Variants in CNTN4 observed in about 807,000 individuals in gnomAD.
CNTN4 encodes the protein contactin 4, also known as contactin-4.
In CNTN4, 77 loss-of-function variants were observed where a neutral mutation model predicts 122.5. That is an observed-to-expected ratio of 0.63 (90% CI 0.52 to 0.76). The LOEUF (loss-of-function observed/expected upper bound fraction) is 0.76, where lower values mean the gene tolerates loss of function less well. CNTN4 is among the 30% of genes least tolerant of loss of function. The pLI is 0.00. For missense variants in CNTN4, 1,256 were observed against 1,259.1 expected, an observed-to-expected ratio of 1.00 and a Z score of 0.04; for synonymous variants, 512 against 447.0, an observed-to-expected ratio of 1.15 and a Z score of -1.83.
intron 2 of CNTN4, among the ~76,000 whole-genome samples, chr3:2,318,869 C>G (rs2043194574): frequency 6.6e-6 from 1 of 152,150 alleles, no homozygotes; most frequent in Admixed American, 6.5e-5. Flanking sequence ...TCTTGAATGT[C>G]TAAGCTCAAG....
At chr3:2,686,409 C>T (rs934090442) in intron 4 of CNTN4, among the ~76,000 whole-genome samples, 3 of 152,110 alleles carry the variant, frequency 2.0e-5, no homozygotes, top group Admixed American at 6.6e-5. Context: ...ACCCTACCCC[C>T]GACACACACC....
chr3:2,101,361 C>A (rs1178349355), intron 2 of CNTN4, among the ~76,000 whole-genome samples: 1 of 152,288 alleles, frequency 6.6e-6, no homozygotes, highest in African/African-American at 2.4e-5. Context: ...ACTGACTTTT[C>A]TACAAGTTTG....
chr3:2,126,302 C>CTTTTTTTTTTTTTTTTTTTTTTTTTTTTT (rs1311820389), intron 2 of CNTN4, among the ~76,000 whole-genome samples: 1 of 152,088 alleles, frequency 6.6e-6, no homozygotes, highest in African/African-American at 2.4e-5. Context: ...GACTATGATT[C>CTTTTTTTTTTTTTTTTTTTTTTTTTTTTT]TATCTTGTCT....
intron 12 of CNTN4, among the ~76,000 whole-genome samples, chr3:2,923,872 T>A (rs1323541518): frequency 6.6e-6 from 1 of 152,220 alleles, no homozygotes; most frequent in Non-Finnish European, 1.5e-5. Context: ...CCTGACCCTA[T>A]CTTTTTCATA....
intron 2 of CNTN4, among the ~76,000 whole-genome samples, chr3:2,310,740 T>C (rs1048203208): frequency 1.3e-5 from 2 of 152,156 alleles, no homozygotes; most frequent in African/African-American, 4.8e-5. Context: ...TCTGTGTATA[T>C]GAAAGGCTTT....
At chr3:2,528,875 T>G (rs1394291153) in intron 3 of CNTN4, among the ~76,000 whole-genome samples, 5 of 152,162 alleles carry the variant, frequency 3.3e-5, no homozygotes, top group African/African-American at 1.2e-4. Flanking sequence ...ATTGTCTCAA[T>G]GCATCCAATA....
At chr3:2,951,254 C>CG (rs2094740324) in intron 13 of CNTN4, among the ~76,000 whole-genome samples, 1 of 152,024 alleles carries the variant, frequency 6.6e-6, no homozygotes, top group African/African-American at 2.4e-5. Context: ...CCACAGATGG[C>CG]GGGTGGGGTG....
At chr3:2,682,372 C>CT (rs1392221248) in intron 4 of CNTN4, among the ~76,000 whole-genome samples, 2 of 151,976 alleles carry the variant, frequency 1.3e-5, no homozygotes, top group Admixed American at 6.6e-5. Flanking sequence ...TTGTTCTTAA[C>CT]TTTTTTTTAC....
intron 6 of CNTN4, among the ~76,000 whole-genome samples, chr3:2,757,184 A>G (rs2090376351): frequency 6.6e-6 from 1 of 152,176 alleles, no homozygotes. Context: ...TGAACTTTAT[A>G]AAGTATGATT....
chr3:2,496,223 T>C (rs1282752566), intron 3 of CNTN4, among the ~76,000 whole-genome samples: 1 of 152,182 alleles, frequency 6.6e-6, no homozygotes, highest in Non-Finnish European at 1.5e-5. Flanking sequence ...AGCCATTTAC[T>C]CTTGATGACG....
chr3:2,357,655 G>C (rs2150509747), intron 3 of CNTN4, among the ~76,000 whole-genome samples: 1 of 152,236 alleles, frequency 6.6e-6, no homozygotes, highest in East Asian at 1.9e-4. Context: ...GAGTAACTTG[G>C]GCTAAAGGAG....
intron 3 of CNTN4, among the ~76,000 whole-genome samples, chr3:2,555,355 T>C (rs2078676804): frequency 6.6e-6 from 1 of 152,140 alleles, no homozygotes; most frequent in Non-Finnish European, 1.5e-5. Flanking sequence ...ATTAAATCCA[T>C]TGTAGTTTAA....
At chr3:2,951,831 A>T (rs75499615) in intron 13 of CNTN4, among the ~76,000 whole-genome samples, 13,004 of 152,248 alleles carry the variant, frequency 0.085, 628 homozygotes, top group Non-Finnish European at 0.1. Flanking sequence ...ATGCACTATT[A>T]AAAAAAGAAG....
chr3:2,172,719 G>A (rs575205326), intron 2 of CNTN4, among the ~76,000 whole-genome samples: 1 of 152,308 alleles, frequency 6.6e-6, no homozygotes, highest in African/African-American at 2.4e-5. Context: ...AACTGCTCTA[G>A]CTGCAGTGTA....
intron 2 of CNTN4, among the ~76,000 whole-genome samples, chr3:2,123,604 C>G (rs2033935025): frequency 6.6e-6 from 1 of 152,198 alleles, no homozygotes. Context: ...TCTCATGTTT[C>G]TGAACTGACA....
chr3:2,944,065 C>G (rs1322693935), intron 13 of CNTN4, among the ~76,000 whole-genome samples: 1 of 151,934 alleles, frequency 6.6e-6, no homozygotes, highest in Non-Finnish European at 1.5e-5. Context: ...ATGAATTTTT[C>G]CTCAGTAGCT....
chr3:2,173,025 G>C (rs2036585603), intron 2 of CNTN4, among the ~76,000 whole-genome samples: 2 of 152,158 alleles, frequency 1.3e-5, no homozygotes, highest in South Asian at 4.1e-4. Flanking sequence ...AGATTGTGCT[G>C]ATATCAGTCA....
intron 4 of CNTN4, among the ~76,000 whole-genome samples, chr3:2,572,242 C>T (rs765778031): frequency 3.9e-5 from 6 of 151,974 alleles, no homozygotes; most frequent in Admixed American, 2.6e-4. Context: ...CAAAATTAGC[C>T]GGGTGCAGTG....
intron 3 of CNTN4, among the ~76,000 whole-genome samples, chr3:2,525,870 GCA>G (rs773744370): frequency 1.3e-5 from 2 of 152,038 alleles, no homozygotes; most frequent in Non-Finnish European, 2.9e-5. Flanking sequence ...ATATGTGCTA[GCA>G]CACACATGCA....
Sources: allele counts gnomAD v4.1 joint callset (sites outside exome capture counted in the v4.1 genomes callset), GRCh38; gene constraint gnomAD v4.1.1; transcripts MANE v1.5; gene names NCBI Gene and HGNC (gene_info 2026-07-23, HGNC 2026-07-21).